HHLA1: variants seen among roughly 807,000 people sequenced by gnomAD.
HHLA1 encodes the protein HHLA1 neighbor of OC90, also known as HERV-H LTR-associating protein 1.
In HHLA1, 72 loss-of-function variants were observed where a neutral mutation model predicts 69.9. The ratio of observed to expected loss-of-function variants is 1.03; its 90% CI spans 0.85 to 1.25. The LOEUF (loss-of-function observed/expected upper bound fraction) is 1.25, where lower values mean the gene tolerates loss of function less well. Ranked by LOEUF, HHLA1 falls within the 50% of genes most tolerant of loss-of-function variation. The pLI, the probability that HHLA1 is intolerant of heterozygous loss-of-function variation, is 0.00. For missense variants in HHLA1, 685 were observed against 642.2 expected (o/e 1.07, Z -0.72); for synonymous variants, 252 against 233.2 (o/e 1.08, Z -0.73).
intron 11 of HHLA1, among the ~76,000 whole-genome samples, chr8:132,078,319 G>A (rs767950807): frequency 1.3e-5 from 2 of 152,034 alleles, no homozygotes; most frequent in Non-Finnish European, 2.9e-5. Context: ...AAAAGATTGT[G>A]GGGTCTGAGG....
intron 10 of HHLA1, among the ~76,000 whole-genome samples, chr8:132,083,447 T>C (rs1823797215): frequency 1.3e-5 from 2 of 152,216 alleles, no homozygotes; most frequent in Non-Finnish European, 1.5e-5. Flanking sequence ...TACCCGAAGC[T>C]TGGCGTCCGT....
chr8:132,072,831 C>T (rs1002544508), intron 14 of HHLA1, among the ~76,000 whole-genome samples: 5 of 151,632 alleles, frequency 3.3e-5, no homozygotes, highest in African/African-American at 9.7e-5. Context: ...TGTCTAAGAG[C>T]AATGCTAATT....
intron 1 of HHLA1, among the ~76,000 whole-genome samples, chr8:132,106,234 C>A (rs534704304): frequency 6.6e-6 from 1 of 152,168 alleles, no homozygotes; most frequent in East Asian, 1.9e-4. Flanking sequence ...AGAGAATGTG[C>A]GCTTGGATTG....
intron 7 of HHLA1, among the ~76,000 whole-genome samples, chr8:132,091,846 T>A (rs1439160348): frequency 1.3e-5 from 2 of 152,224 alleles, no homozygotes; most frequent in Non-Finnish European, 2.9e-5. Flanking sequence ...ATTCAAATCA[T>A]TATAATATTG....
At chr8:132,066,683 A>G (rs977396194) in intron 15 of HHLA1, among the ~76,000 whole-genome samples, 24 of 152,346 alleles carry the variant, frequency 1.6e-4, no homozygotes, top group African/African-American at 5.8e-4. Context: ...TTCCACCTCT[A>G]ACATTCTGTG....
chr8:132,083,368 A>G (rs1823795078), intron 10 of HHLA1, among the ~76,000 whole-genome samples: 1 of 152,012 alleles, frequency 6.6e-6, no homozygotes, highest in Admixed American at 6.6e-5. Flanking sequence ...CTTGAAAAGA[A>G]GGTAATGTGG....
rs891044446 is a variant in HHLA1, at chr8:132,077,835, T to C, written c.1062A>G (p.Pro354=). 21 of 1,551,424 alleles carry C rather than the reference T, an allele frequency of 1.4e-5. No individual in the cohort carries two copies. The highest frequency in any genetic ancestry group is 1.7e-5 in the Non-Finnish European group (20 of 1,146,960). ...GGSLWETRSS[P]PTTAGTEEAM... ...CTTCCTCGGTCCCTGCAGTAGTCGG[T>C]GGGGAAGAACGAGTTTCCCAGAGAG... Residue 354 remains proline (P), a synonymous_variant, in exon 12 of 17, where the codon CCA becomes CCG. Coordinates refer to ENST00000414222, the MANE Select transcript of HHLA1 (RefSeq NM_001145095.3).
intron 12 of HHLA1, among the ~76,000 whole-genome samples, chr8:132,077,298 A>G (rs952053161): frequency 6.6e-6 from 1 of 152,126 alleles, no homozygotes; most frequent in Non-Finnish European, 1.5e-5. Context: ...ATACATAAAG[A>G]TCAGGAGATG....
intron 10 of HHLA1, among the ~76,000 whole-genome samples, chr8:132,086,797 A>G (rs1302922811): frequency 2.0e-5 from 3 of 152,236 alleles, no homozygotes; most frequent in East Asian, 3.8e-4. Flanking sequence ...CTTCCATAGC[A>G]TAATCAAAAG....
chr8:132,110,328 G>A (rs183600123), intron 1 of HHLA1, among the ~76,000 whole-genome samples: 11 of 152,094 alleles, frequency 7.2e-5, no homozygotes, highest in African/African-American at 2.7e-4. Context: ...AGAAGCCTGG[G>A]GATTCTAGAC....
chr8:132,095,660 TCC>T, intron 6 of HHLA1, 41 bp downstream of exon 6: 1 of 1,532,530 alleles, frequency 6.5e-7, no homozygotes, highest in Non-Finnish European at 8.8e-7. Flanking sequence ...CTGCAACACA[TCC>T]CTACCACCAC....
chr8:132,076,706 A>G (rs1011458606), intron 12 of HHLA1, among the ~76,000 whole-genome samples, 163 bp from the exon 13 acceptor site: 1 of 152,076 alleles, frequency 6.6e-6, no homozygotes, highest in Non-Finnish European at 1.5e-5. Flanking sequence ...AAAACCCACA[A>G]TGGAGTGTGA....
At chr8:132,093,176 T>A (rs916086087) in intron 7 of HHLA1, among the ~76,000 whole-genome samples, 20 of 151,950 alleles carry the variant, frequency 1.3e-4, no homozygotes, top group African/African-American at 4.6e-4. Context: ...AGATGACAGG[T>A]TGGATAGATA....
chr8:132,090,457 C>T (rs1823929622), intron 7 of HHLA1, among the ~76,000 whole-genome samples: 1 of 152,214 alleles, frequency 6.6e-6, no homozygotes, highest in African/African-American at 2.4e-5. Context: ...TGTGTAAATG[C>T]TCCTTTCACT....
intron 12 of HHLA1, among the ~76,000 whole-genome samples, chr8:132,077,341 T>C (rs1313153293): frequency 6.6e-6 from 1 of 151,818 alleles, no homozygotes; most frequent in Non-Finnish European, 1.5e-5. Context: ...GGCTGGAGTC[T>C]AGAGGAGGAA....
chr8:132,110,229 G>A (rs1323251901), intron 1 of HHLA1, among the ~76,000 whole-genome samples: 2 of 152,168 alleles, frequency 1.3e-5, no homozygotes, highest in East Asian at 3.9e-4. Flanking sequence ...TAGCCACAGT[G>A]AGTGACACAT....
intron 14 of HHLA1, among the ~76,000 whole-genome samples, chr8:132,072,401 A>G (rs927441065): frequency 3.9e-5 from 6 of 152,134 alleles, no homozygotes; most frequent in Non-Finnish European, 7.3e-5. Flanking sequence ...AGTTGTTTGC[A>G]TGAAACAAAC....
chr8:132,073,535 G>A (rs1229866086), intron 14 of HHLA1, among the ~76,000 whole-genome samples: 2 of 152,172 alleles, frequency 1.3e-5, no homozygotes, highest in South Asian at 2.1e-4. Flanking sequence ...GACATCAGAA[G>A]TATACAGAAG....
intron 15 of HHLA1, among the ~76,000 whole-genome samples, chr8:132,066,742 T>C (rs1057182811): frequency 2.0e-5 from 3 of 152,202 alleles, no homozygotes; most frequent in African/African-American, 7.2e-5. Flanking sequence ...CAAGTCAAGC[T>C]GTGGTAGAGA....
Sources: allele counts gnomAD v4.1 joint callset (sites outside exome capture counted in the v4.1 genomes callset), GRCh38; gene constraint gnomAD v4.1.1; transcripts MANE v1.5; gene names NCBI Gene and HGNC (gene_info 2026-07-23, HGNC 2026-07-21).